The following FAM161A variants were observed in gnomAD, a reference collection of about 807,000 sequenced individuals.
FAM161A encodes the protein FAM161 centrosomal protein A.
Under a neutral mutation model 70.9 loss-of-function variants are expected in FAM161A, and 57 were observed. That is an observed-to-expected ratio of 0.80 (90% CI 0.65 to 1.00). The LOEUF (loss-of-function observed/expected upper bound fraction) is 1.00. FAM161A is among the 50% of genes least tolerant of loss of function. The pLI is 0.00. For missense variants in FAM161A, 880 were observed against 836.0 expected (o/e 1.05, Z -0.65); for synonymous variants, 299 against 295.7 (o/e 1.01, Z -0.12).
chr2:61,842,388 A>G, intron 1 of FAM161A, 28 bp from the exon 2 acceptor site: 1 of 1,396,182 alleles, frequency 7.2e-7, no homozygotes, highest in Admixed American at 2.0e-5. Flanking sequence ...CTTGATATAT[A>G]GTGACTGGAG....
At chr2:61,800,592 T>C in the FAM161A span, among the ~76,000 whole-genome samples, 1 of 152,170 alleles carries the variant, frequency 6.6e-6, no homozygotes, top group African/African-American at 2.4e-5. Flanking sequence ...AACAAGCCAC[T>C]GTTTGAGAGC....
the FAM161A span, among the ~76,000 whole-genome samples, chr2:61,801,832 A>T: frequency 6.6e-6 from 1 of 152,138 alleles, no homozygotes. Flanking sequence ...AAGTGCTGGG[A>T]TTACAGACGT....
chr2:61,804,768 G>GAAAAGAA, the FAM161A span, among the ~76,000 whole-genome samples: 1 of 118,952 alleles, frequency 8.4e-6, no homozygotes, highest in African/African-American at 3.2e-5. Flanking sequence ...GAAAAAGAAA[G>GAAAAGAA]AGAAAGAAAG....
At chr2:61,815,535 C>CTT in the FAM161A span, among the ~76,000 whole-genome samples, 1,095 of 53,238 alleles carry the variant, frequency 0.021, 98 homozygotes, top group East Asian at 0.031. Context: ...AAAGATGTGT[C>CTT]TTTTTTTTTT....
At chr2:61,838,892 A>ATTTATTTATTTTTTT (rs747578151) in intron 3 of FAM161A, among the ~76,000 whole-genome samples, 187 bp from the exon 4 acceptor site, 1 of 130,278 alleles carries the variant, frequency 7.7e-6, no homozygotes, top group African/African-American at 2.7e-5. Context: ...TTATTTATTT[A>ATTTATTTATTTTTTT]TTTTTTTTGA....
chr2:61,837,099 C>T (rs1672803199), intron 4 of FAM161A, among the ~76,000 whole-genome samples: 1 of 152,124 alleles, frequency 6.6e-6, no homozygotes. Flanking sequence ...AACTCCTGGG[C>T]TCAAGCAATC....
At chr2:61,801,451 C>A in the FAM161A span, among the ~76,000 whole-genome samples, 2 of 150,038 alleles carry the variant, frequency 1.3e-5, no homozygotes. Flanking sequence ...GAGCCAAAAT[C>A]ATGCCACTGT....
chr2:61,846,088 CAAAAAAAAAAAAA>C (rs35291624), intron 1 of FAM161A, among the ~76,000 whole-genome samples: 54 of 69,022 alleles, frequency 7.8e-4, no homozygotes, highest in Non-Finnish European at 1.2e-3. Flanking sequence ...GACTCTGTCT[CAAAAAAAAAAAAA>C]AAAAAAAAAA....
At chr2:61,807,249 T>A in the FAM161A span, among the ~76,000 whole-genome samples, 2 of 151,806 alleles carry the variant, frequency 1.3e-5, no homozygotes, top group Non-Finnish European at 2.9e-5. Context: ...AGCAAGTTAG[T>A]TCTTGAAATG....
At position 61,840,298 on chromosome 2, in the gene FAM161A, T is replaced by C. The variant is rs17513722; in HGVS notation, c.706A>G (p.Ile236Val). 343,234 of 1,613,926 alleles carry C rather than the reference T, an allele frequency of 0.21. 38,874 individuals carry two copies. The highest frequency in any genetic ancestry group is 0.26 in the Middle Eastern group (1,558 of 6,062). The change falls in exon 3 of 7, where the codon ATT becomes GTT. Residue 236 changes from isoleucine (I) to valine (V), a missense_variant. Transcript: ENST00000404929. The part of the protein sequence containing the change: ...RKKRKEWVPT[I>V]TVPEPFQMMI... ...ATTTGAAAAGGCTCCGGTACTGTAA[T>C]TGTGGGCACCCATTCTTTTCGTTTC... is the stretch of plus-strand genomic sequence containing the variant.
the FAM161A span, among the ~76,000 whole-genome samples, chr2:61,817,435 A>G: frequency 6.6e-6 from 1 of 152,260 alleles, no homozygotes; most frequent in African/African-American, 2.4e-5. Context: ...ACCAATTCTT[A>G]CTTTGGACTA....
the FAM161A span, among the ~76,000 whole-genome samples, chr2:61,817,689 A>G: frequency 6.6e-6 from 1 of 152,222 alleles, no homozygotes; most frequent in Non-Finnish European, 1.5e-5. Flanking sequence ...AACATAGGCC[A>G]GGTGCGGTGG....
At chr2:61,846,962 G>A (rs12476816) in intron 1 of FAM161A, 96,517 of 451,152 alleles carry the variant, frequency 0.21, 11,526 homozygotes, top group East Asian at 0.32. Context: ...TCAGGAATCC[G>A]AGACCAATCT....
the FAM161A span, among the ~76,000 whole-genome samples, chr2:61,812,715 T>C: frequency 6.6e-6 from 1 of 151,118 alleles, no homozygotes; most frequent in Non-Finnish European, 1.5e-5. Context: ...AGAGCGAGGC[T>C]TTGTCTCAAA....
chr2:61,821,067 T>C (rs1414510627), downstream of FAM161A, among the ~76,000 whole-genome samples: 3 of 152,106 alleles, frequency 2.0e-5, no homozygotes, highest in Non-Finnish European at 4.4e-5. Flanking sequence ...TTTTTTTTTT[T>C]TCTTAGACAA....
Position 61,853,877 on chromosome 2 carries a change from A to T in FAM161A, c.165T>A (p.Ala55=), listed in dbSNP as rs4270331. 6.2e-7 allele frequency: 1 copy of T among 1,613,850 alleles called. No homozygotes were observed. Among genetic ancestry groups the T allele is most frequent in the South Asian group, 1.1e-5 (1 of 91,092 alleles). ...GTATTACCGATGCCCCAGCGGGCTG[A>T]GCCACTTTCTCCTCCTCTTCGTCCT... ...ILEDEEEEKV[A]QPAGASADLN... is the part of the protein sequence containing the mutation. The change falls in exon 1 of 7, where the codon GCT becomes GCA. Residue 55 remains alanine, a synonymous_variant. Coordinates refer to ENST00000404929, the MANE Select transcript of FAM161A (RefSeq NM_001201543.2).
intron 2 of FAM161A, among the ~76,000 whole-genome samples, chr2:61,841,247 C>T (rs1673009577): frequency 6.6e-6 from 1 of 152,186 alleles, no homozygotes; most frequent in Non-Finnish European, 1.5e-5. Flanking sequence ...GCCTAGATTA[C>T]AAGCCCTTCG....
intron 2 of FAM161A, among the ~76,000 whole-genome samples, chr2:61,841,774 T>C (rs1305497230): frequency 6.6e-6 from 1 of 152,234 alleles, no homozygotes; most frequent in Non-Finnish European, 1.5e-5. Context: ...CTCTTTGTAC[T>C]AGATCTTTAA....
At chr2:61,815,501 G>C in the FAM161A span, among the ~76,000 whole-genome samples, 6 of 130,624 alleles carry the variant, frequency 4.6e-5, no homozygotes, top group African/African-American at 1.7e-4. Context: ...CTGTTTACTA[G>C]AAAAATCCTC....
Sources: gnomAD v4.1 joint callset for allele counts (sites outside exome capture counted in the v4.1 genomes callset) on GRCh38, gnomAD v4.1.1 for gene constraint, MANE v1.5 for transcripts, NCBI Gene and HGNC (gene_info 2026-07-23, HGNC 2026-07-21) for gene names.